SNAP25: variants seen among roughly 807,000 people sequenced by gnomAD.
The protein encoded by SNAP25 is synaptosomal-associated protein 25.
SNAP25 carries 3 observed loss-of-function variants against 28.7 expected under a neutral mutation model. The ratio of observed to expected loss-of-function variants is 0.10; its 90% CI spans 0.05 to 0.27. The LOEUF (loss-of-function observed/expected upper bound fraction) is 0.27, where lower values mean the gene tolerates loss of function less well. Among genes scored for constraint, SNAP25 ranks in the 10% least tolerant of loss-of-function variants. The probability of loss-of-function intolerance (pLI) is 1.00; values close to 1 mark genes in which losing one functional copy is unlikely to be tolerated. For missense variants in SNAP25, 117 were observed against 278.7 expected (o/e 0.42, Z 4.13); for synonymous variants, 61 against 88.1 (o/e 0.69, Z 1.72).
chr20:10,306,254 T>C lies in SNAP25; in HGVS notation c.*57T>C. 1 of 1,522,098 alleles carries C rather than the reference T, an allele frequency of 6.6e-7. No homozygotes were observed. Among genetic ancestry groups the C allele is most frequent in the Non-Finnish European group, 9.1e-7 (1 of 1,098,388 alleles). The allele number at this position is 1,522,098 out of a possible 1,614,324, so 94.3% of individuals were successfully genotyped here. A position where few individuals can be genotyped will look rare whatever the true frequency, so the allele number is the denominator to read the frequency against. ...GTCGGGCAAGATAGCTCCTTCATGCTTTTCTCATGGTATTATCTAGTAGGT... is the reference window on the plus strand; with the variant it reads ...GTCGGGCAAGATAGCTCCTTCATGCCTTTCTCATGGTATTATCTAGTAGGT... On this transcript the variant is annotated 3_prime_UTR_variant, in exon 8 of 8. Coordinates refer to ENST00000254976, the MANE Select transcript of SNAP25 (RefSeq NM_130811.4).
intron 1 of SNAP25, among the ~76,000 whole-genome samples, chr20:10,224,591 A>G (rs2062701469): frequency 6.6e-6 from 1 of 151,954 alleles, no homozygotes; most frequent in Non-Finnish European, 1.5e-5. Flanking sequence ...TCATCTTAAT[A>G]ATGCTTCAGT....
chr20:10,292,832 G>A (rs1253173559), intron 4 of SNAP25: 3 of 1,155,594 alleles, frequency 2.6e-6, no homozygotes, highest in East Asian at 2.4e-5. Context: ...TGTTCTGTTG[G>A]AGACCCCCAA....
intron 1 of SNAP25, among the ~76,000 whole-genome samples, chr20:10,226,153 C>G (rs1663865043): frequency 6.6e-6 from 1 of 152,120 alleles, no homozygotes; most frequent in Admixed American, 6.5e-5. Context: ...CGAAGTTGGT[C>G]TGGCAGCTAG....
intron 1 of SNAP25, among the ~76,000 whole-genome samples, chr20:10,230,914 C>A (rs2062818349): frequency 6.6e-6 from 1 of 152,094 alleles, no homozygotes; most frequent in Non-Finnish European, 1.5e-5. Flanking sequence ...GGGATGGGGG[C>A]CAACTGGCTC....
chr20:10,305,922 A>G (rs2064346293), intron 7 of SNAP25, among the ~76,000 whole-genome samples: 1 of 152,072 alleles, frequency 6.6e-6, no homozygotes. Context: ...CGTTCATTAA[A>G]AAAAAAAAAT....
intron 6 of SNAP25, among the ~76,000 whole-genome samples, chr20:10,298,582 C>T (rs891616803): frequency 9.2e-5 from 14 of 152,230 alleles, no homozygotes; most frequent in African/African-American, 3.1e-4. Flanking sequence ...TCTTTTGTCA[C>T]AGTTTCACAG....
At chr20:10,267,675 C>T (rs1459254122) in intron 1 of SNAP25, among the ~76,000 whole-genome samples, 2 of 152,108 alleles carry the variant, frequency 1.3e-5, no homozygotes, top group African/African-American at 4.8e-5. Flanking sequence ...CCTCAGCCTC[C>T]CGAGTGCCTG....
intron 3 of SNAP25, 38 bp downstream of exon 3, chr20:10,277,764 C>T (rs540020634): frequency 7.0e-6 from 11 of 1,575,770 alleles, no homozygotes; most frequent in South Asian, 6.7e-5. Flanking sequence ...AGGAACAAAT[C>T]CCTTATGCTG....
intron 1 of SNAP25, among the ~76,000 whole-genome samples, chr20:10,256,756 G>C (rs565323903): frequency 3.6e-4 from 55 of 152,274 alleles, no homozygotes; most frequent in African/African-American, 1.2e-3. Flanking sequence ...GGAAAGGAAA[G>C]GCTGGGGAAG....
chr20:10,252,737 G>GATAT (rs1359730555), intron 1 of SNAP25, among the ~76,000 whole-genome samples: 1 of 149,692 alleles, frequency 6.7e-6, no homozygotes, highest in Non-Finnish European at 1.5e-5. Context: ...GTTCCAATAT[G>GATAT]ATATAAAAGA....
intron 1 of SNAP25, among the ~76,000 whole-genome samples, chr20:10,256,872 T>A (rs1600697818): frequency 6.6e-6 from 1 of 152,228 alleles, no homozygotes; most frequent in East Asian, 1.9e-4. Flanking sequence ...TCATTAAAAA[T>A]GTCATTTGAG....
chr20:10,289,182 C>T (rs1464655546), intron 4 of SNAP25, among the ~76,000 whole-genome samples: 3 of 152,108 alleles, frequency 2.0e-5, no homozygotes, highest in Admixed American at 6.6e-5. Context: ...ACCCAGGTAT[C>T]GGGAGACACC....
rs766086043 is a variant in SNAP25, at chr20:10,227,196, C to T, written c.-64+8219C>T. On this transcript the variant is annotated intron_variant, in intron 1 of 7. Coordinates refer to ENST00000254976, the MANE Select transcript of SNAP25 (RefSeq NM_130811.4). ...CAAACTCCTACTTCTAGAAATTCACCTCTTACCAATGAGCAATGCCCCTAT... is the reference window on the plus strand; with the variant it reads ...CAAACTCCTACTTCTAGAAATTCACTTCTTACCAATGAGCAATGCCCCTAT... 3.5e-4 allele frequency among the ~76,000 whole-genome samples: 53 copies of T among 152,204 alleles called. 1 individual carries two copies. Among genetic ancestry groups the T allele is most frequent in the Non-Finnish European group, 6.2e-4 (42 of 67,984 alleles).
At chr20:10,275,671 T>C (rs1395388650) in intron 2 of SNAP25, 108 bp downstream of exon 2, 2 of 845,892 alleles carry the variant, frequency 2.4e-6, no homozygotes, top group Non-Finnish European at 1.7e-6. Context: ...CAATTTCTTT[T>C]AGAAAAAGTA....
intron 1 of SNAP25, among the ~76,000 whole-genome samples, chr20:10,257,040 C>A (rs533573591): frequency 6.6e-6 from 1 of 152,146 alleles, no homozygotes; most frequent in South Asian, 2.1e-4. Flanking sequence ...CTTGGCTGCA[C>A]ACTAAAGTCA....
At chr20:10,219,682 G>A (rs1476306317) in intron 1 of SNAP25, 1 of 152,290 alleles carries the variant, frequency 6.6e-6, no homozygotes, top group African/African-American at 2.4e-5. Context: ...TTCAGCACCG[G>A]GGACAGCGGT....
At chr20:10,233,021 A>G (rs1477020942) in intron 1 of SNAP25, among the ~76,000 whole-genome samples, 3 of 152,156 alleles carry the variant, frequency 2.0e-5, no homozygotes, top group Admixed American at 6.5e-5. Context: ...TGTCTCCCCA[A>G]TTTCATGACC....
chr20:10,259,824 G>A (rs1287120184), intron 1 of SNAP25, among the ~76,000 whole-genome samples: 10 of 152,158 alleles, frequency 6.6e-5, no homozygotes, highest in South Asian at 2.1e-4. Context: ...GGCTTGAGCC[G>A]CTGTGCCCAG....
intron 1 of SNAP25, among the ~76,000 whole-genome samples, chr20:10,242,029 C>G (rs903497475): frequency 6.6e-6 from 1 of 152,186 alleles, no homozygotes; most frequent in Non-Finnish European, 1.5e-5. Context: ...GGGATCCCTA[C>G]TGGACAGTAA....
Sources: allele counts gnomAD v4.1 joint callset (sites outside exome capture counted in the v4.1 genomes callset), GRCh38; gene constraint gnomAD v4.1.1; transcripts MANE v1.5; gene names NCBI Gene and HGNC (gene_info 2026-07-23, HGNC 2026-07-21).